Variants in BTBD16 observed in about 807,000 individuals in gnomAD.
The protein encoded by BTBD16 is BTB/POZ domain-containing protein 16.
In BTBD16, 66 loss-of-function variants were observed where a neutral mutation model predicts 67.4. The ratio of observed to expected loss-of-function variants is 0.98; its 90% confidence interval spans 0.80 to 1.20. BTBD16 has a LOEUF of 1.20. BTBD16 is among the 50% of genes most tolerant of loss of function. The probability of loss-of-function intolerance (pLI) is 0.00; values close to 1 mark genes in which losing one functional copy is unlikely to be tolerated. For synonymous variants in BTBD16, 242 were observed against 236.4 expected, an observed-to-expected ratio of 1.02 and a Z score of -0.22; for missense variants, 634 against 616.0, an observed-to-expected ratio of 1.03 and a Z score of -0.31.
chr10:122,293,080 T>C (rs927422624), intron 7 of BTBD16, among the ~76,000 whole-genome samples: 9 of 152,172 alleles, frequency 5.9e-5, no homozygotes, highest in African/African-American at 2.2e-4. Flanking sequence ...GGTGGTATCT[T>C]GTAGCTTTTT....
chr10:122,314,543 A>T (rs1171615647), intron 10 of BTBD16, among the ~76,000 whole-genome samples: 3 of 152,156 alleles, frequency 2.0e-5, no homozygotes, highest in African/African-American at 7.2e-5. Flanking sequence ...CTCTCAATAA[A>T]ATTTAATAGT....
chr10:122,279,448 A>G (rs1343402120), intron 3 of BTBD16, among the ~76,000 whole-genome samples: 2 of 150,146 alleles, frequency 1.3e-5, no homozygotes, highest in African/African-American at 2.5e-5. Context: ...GTGCCGTTTC[A>G]CTCCAGCCTG....
At chr10:122,334,767 C>G (rs2096460914) in intron 13 of BTBD16, 114 bp from the exon 14 acceptor site, 1 of 640,520 alleles carries the variant, frequency 1.6e-6, no homozygotes, top group Non-Finnish European at 2.7e-6. Context: ...GATGATCTGC[C>G]CGCCTCAGCC....
intron 10 of BTBD16, among the ~76,000 whole-genome samples, chr10:122,317,163 G>C (rs1300897289): frequency 6.6e-6 from 1 of 152,060 alleles, no homozygotes; most frequent in Non-Finnish European, 1.5e-5. Context: ...ATAAACTTTA[G>C]CTTACTACAA....
At position 122,277,008 on chromosome 10, in the gene BTBD16, C is replaced by T. The variant is rs185862820; in HGVS notation, c.167+69C>T. 46 of 1,547,038 alleles carry T rather than the reference C, an allele frequency of 3.0e-5. 1 individual carries two copies. In the Admixed American group the frequency reaches 6.7e-4, roughly 22 times the overall value. Reference sequence around the variant, plus strand: ...CCTGGGAGGGGAGGTGCCTGATGACCGGGCCACTCTGATTGGCTGCAGTGG... The same window carrying T: ...CCTGGGAGGGGAGGTGCCTGATGACTGGGCCACTCTGATTGGCTGCAGTGG... On this transcript the variant is annotated intron_variant, in intron 3 of 15. Coordinates refer to ENST00000260723, the MANE Select transcript of BTBD16 (RefSeq NM_144587.5).
intron 13 of BTBD16, among the ~76,000 whole-genome samples, chr10:122,334,491 G>A (rs1224816682): frequency 7.5e-5 from 8 of 106,316 alleles, no homozygotes; most frequent in South Asian, 3.2e-4. Context: ...CACCGTGCCC[G>A]GCCTTTTTTT....
At chr10:122,322,410 T>C (rs2096437202) in intron 10 of BTBD16, among the ~76,000 whole-genome samples, 1 of 152,078 alleles carries the variant, frequency 6.6e-6, no homozygotes, top group Admixed American at 6.5e-5. Flanking sequence ...GACATTCTAG[T>C]AGGAGACAGG....
At position 122,338,119 on chromosome 10, in the gene BTBD16, C is replaced by G. The variant is rs1364427886; in HGVS notation, c.*34C>G. On this transcript the variant is annotated 3_prime_UTR_variant, in exon 16 of 16. Coordinates refer to ENST00000260723, the MANE Select transcript of BTBD16 (RefSeq NM_144587.5). The stretch of plus-strand genomic sequence containing the variant: ...AGAAGAATCTATGGGATTTTCCCCC[C>G]ACTGGTCTGCATAAAAGAAAATAAA... 2.0e-6 allele frequency: 3 copies of G among 1,475,002 alleles called. No homozygotes were observed. Among genetic ancestry groups the G allele is most frequent in the Non-Finnish European group, 2.8e-6 (3 of 1,056,182 alleles). The allele number at this position is 1,475,002 out of a possible 1,614,324, so 91.4% of individuals were successfully genotyped here.
At chr10:122,297,156 A>G (rs2096384824) in intron 7 of BTBD16, among the ~76,000 whole-genome samples, 1 of 152,248 alleles carries the variant, frequency 6.6e-6, no homozygotes, top group African/African-American at 2.4e-5. Context: ...AAATGTGGTT[A>G]TCTGTCTGAA....
chr10:122,300,866 T>C (rs2096392551), intron 9 of BTBD16, among the ~76,000 whole-genome samples: 1 of 152,198 alleles, frequency 6.6e-6, no homozygotes, highest in Non-Finnish European at 1.5e-5. Flanking sequence ...TACTCATGTG[T>C]ATGTGTGGAA....
intron 5 of BTBD16, chr10:122,287,567 A>C: frequency 1.3e-6 from 1 of 778,148 alleles, no homozygotes; most frequent in Non-Finnish European, 1.6e-6. Flanking sequence ...CCATGGACCG[A>C]TCAAGCCATG....
intron 10 of BTBD16, among the ~76,000 whole-genome samples, chr10:122,324,263 G>T (rs2096440506): frequency 6.6e-6 from 1 of 152,196 alleles, no homozygotes; most frequent in South Asian, 2.1e-4. Flanking sequence ...GGTGTGCACT[G>T]GTGAACCCAA....
intron 10 of BTBD16, among the ~76,000 whole-genome samples, chr10:122,320,923 T>C (rs2096434343): frequency 1.3e-5 from 2 of 152,188 alleles, no homozygotes; most frequent in African/African-American, 4.8e-5. Flanking sequence ...TATTACATGA[T>C]GCTCAGGTGC....
At chr10:122,302,915 G>A (rs763581227) in intron 9 of BTBD16, among the ~76,000 whole-genome samples, 2 of 152,088 alleles carry the variant, frequency 1.3e-5, no homozygotes, top group African/African-American at 4.8e-5. Flanking sequence ...TTGAACCCAC[G>A]TCTGAGTGGC....
At chr10:122,290,537 G>A (rs747394968) in intron 6 of BTBD16, among the ~76,000 whole-genome samples, 2 of 152,160 alleles carry the variant, frequency 1.3e-5, no homozygotes, top group Non-Finnish European at 2.9e-5. Flanking sequence ...TTCAGCACTC[G>A]TTGGGCCATT....
chr10:122,317,548 G>T (rs1470297143), intron 10 of BTBD16, among the ~76,000 whole-genome samples: 2 of 152,104 alleles, frequency 1.3e-5, no homozygotes, highest in Non-Finnish European at 2.9e-5. Flanking sequence ...TTGGGAGGCT[G>T]AGGCAGGAGA....
At chr10:122,292,135 G>A (rs748133879) in intron 7 of BTBD16, among the ~76,000 whole-genome samples, 36 of 152,200 alleles carry the variant, frequency 2.4e-4, no homozygotes, top group Non-Finnish European at 5.0e-4. Flanking sequence ...ACCTGGGTCC[G>A]TGCAGGGTCT....
intron 14 of BTBD16, among the ~76,000 whole-genome samples, chr10:122,335,302 T>C (rs1215559261): frequency 1.3e-5 from 2 of 152,216 alleles, no homozygotes; most frequent in Non-Finnish European, 2.9e-5. Flanking sequence ...AATTTATACA[T>C]ACAATTCAGT....
intron 7 of BTBD16, among the ~76,000 whole-genome samples, chr10:122,296,379 C>A (rs776910862): frequency 6.6e-6 from 1 of 152,170 alleles, no homozygotes; most frequent in Non-Finnish European, 1.5e-5. Context: ...GCCTTCTGGT[C>A]TGGCCTTATG....
Sources: gnomAD v4.1 joint callset for allele counts (sites outside exome capture counted in the v4.1 genomes callset) on GRCh38, gnomAD v4.1.1 for gene constraint, MANE v1.5 for transcripts, NCBI Gene and HGNC (gene_info 2026-07-23, HGNC 2026-07-21) for gene names.